The following CEACAM18 variants were observed in gnomAD, a reference collection of about 807,000 sequenced individuals.
CEACAM18 encodes CEA cell adhesion molecule 18.
In CEACAM18, 33 loss-of-function variants were observed where a neutral mutation model predicts 34.3. That is an observed-to-expected ratio of 0.96 (90% CI 0.73 to 1.29). The LOEUF (loss-of-function observed/expected upper bound fraction) is 1.29. CEACAM18 is among the 50% of genes most tolerant of loss of function. The pLI is 0.00. For synonymous variants in CEACAM18, 169 were observed against 180.9 expected (o/e 0.93, Z 0.53); for missense variants, 474 against 485.0 (o/e 0.98, Z 0.21).
intron 1 of CEACAM18, among the ~76,000 whole-genome samples, chr19:51,480,112 G>C (rs768460848): frequency 1.3e-5 from 2 of 152,138 alleles, no homozygotes; most frequent in African/African-American, 4.8e-5. Flanking sequence ...GGCTAGCGAG[G>C]AGGGCCTGGG....
chr19:51,480,860 T>G (rs1989902620), intron 2 of CEACAM18, among the ~76,000 whole-genome samples, 180 bp downstream of exon 2: 1 of 151,454 alleles, frequency 6.6e-6, no homozygotes, highest in Non-Finnish European at 1.5e-5. Flanking sequence ...GAGGGCGGAG[T>G]TGGAAGACAA....
intron 5 of CEACAM18, 114 bp downstream of exon 5, chr19:51,485,236 C>T: frequency 9.0e-7 from 1 of 1,109,348 alleles, no homozygotes; most frequent in Non-Finnish European, 1.2e-6. Context: ...AAGCCAGGAA[C>T]TAGGTTGTCA....
intron 1 of CEACAM18, 32 bp from the exon 2 acceptor site, chr19:51,480,301 T>A: frequency 6.6e-7 from 1 of 1,508,472 alleles, no homozygotes; most frequent in Non-Finnish European, 9.0e-7. Flanking sequence ...CTTTGTGAAT[T>A]TCTCTCTGTC....
At chr19:51,485,586 T>G (rs1400817908) in intron 5 of CEACAM18, among the ~76,000 whole-genome samples, 1 of 152,118 alleles carries the variant, frequency 6.6e-6, no homozygotes, top group Non-Finnish European at 1.5e-5. Flanking sequence ...TAGGTTACCT[T>G]GGGTAGGTCA....
chr19:51,483,764 A>G (rs1989957297), intron 4 of CEACAM18, among the ~76,000 whole-genome samples: 1 of 152,216 alleles, frequency 6.6e-6, no homozygotes, highest in Non-Finnish European at 1.5e-5. Flanking sequence ...CAGCTGCTTC[A>G]AGATGAGGAA....
At chr19:51,482,465 G>A (rs1989932929) in intron 3 of CEACAM18, among the ~76,000 whole-genome samples, 1 of 152,182 alleles carries the variant, frequency 6.6e-6, no homozygotes, top group African/African-American at 2.4e-5. Context: ...GTGGAAGGTG[G>A]GGTTGAGGGG....
At chr19:51,489,373 C>G (rs1318000458) in intron 5 of CEACAM18, among the ~76,000 whole-genome samples, 2 of 151,706 alleles carry the variant, frequency 1.3e-5, no homozygotes, top group Non-Finnish European at 2.9e-5. Flanking sequence ...CCTCTTTCAG[C>G]TCCCCTTCTC....
At chr19:51,488,077 C>T (rs905385454) in intron 5 of CEACAM18, among the ~76,000 whole-genome samples, 3 of 152,050 alleles carry the variant, frequency 2.0e-5, no homozygotes, top group Non-Finnish European at 2.9e-5. Flanking sequence ...AAGAGACAAC[C>T]ACTAGTCCCT....
chr19:51,482,178 T>A (rs1293274875), intron 3 of CEACAM18, among the ~76,000 whole-genome samples: 1 of 151,550 alleles, frequency 6.6e-6, no homozygotes, highest in Non-Finnish European at 1.5e-5. Flanking sequence ...CTTTTTTTTT[T>A]ATAGCCTTTT....
At chr19:51,479,071 T>A (rs1296715431) in intron 1 of CEACAM18, among the ~76,000 whole-genome samples, 1 of 152,046 alleles carries the variant, frequency 6.6e-6, no homozygotes, top group Non-Finnish European at 1.5e-5. Context: ...CACCTCCCAC[T>A]GGGTGCCCCA....
chr19:51,482,391 G>T (rs923299716), intron 3 of CEACAM18, among the ~76,000 whole-genome samples: 1 of 152,046 alleles, frequency 6.6e-6, no homozygotes, highest in Non-Finnish European at 1.5e-5. Flanking sequence ...TCACTTTCAC[G>T]TCTCCTGGAA....
In CEACAM18 at chr19:51,478,672, GT is replaced by G. The variant is rs1989852522; in HGVS notation, c.31del (p.Trp11GlyfsTer62). 1 of 1,480,756 alleles carries G rather than the reference GT, an allele frequency of 6.8e-7. No individual in the cohort carries two copies. Among genetic ancestry groups the G allele is most frequent in the African/African-American group, 1.4e-5 (1 of 69,376 alleles). The allele number at this position is 1,480,756 out of a possible 1,614,324, so 91.7% of individuals were successfully genotyped here. On this transcript the variant is annotated frameshift_variant, in exon 1 of 6. Coordinates refer to ENST00000396477, the Ensembl canonical transcript of CEACAM18. LOFTEE classifies it high-confidence loss of function. ...ACCTTTCCAGACCCAGATGGAGCCT[GT>G]GGAGGAGGGTCTTCCTCATGGGTAA...
chr19:51,480,708 A>T (rs754769204), intron 2 of CEACAM18, 28 bp downstream of exon 2: 1 of 1,576,236 alleles, frequency 6.3e-7, no homozygotes, highest in Non-Finnish European at 8.7e-7. Context: ...GTGTTTCCCA[A>T]CCCCCAAGGA....
chr19:51,478,838 G>T, intron 1 of CEACAM18, 144 bp downstream of exon 1: 1 of 565,830 alleles, frequency 1.8e-6, no homozygotes. Context: ...AGAGGAGAAG[G>T]GGGAGGACCC....
intron 5 of CEACAM18, among the ~76,000 whole-genome samples, chr19:51,486,124 T>G (rs1989995281): frequency 6.6e-6 from 1 of 151,986 alleles, no homozygotes; most frequent in African/African-American, 2.4e-5. Flanking sequence ...GTGATGATAG[T>G]AATAGTGGTG....
intron 3 of CEACAM18, 21 bp downstream of exon 3, chr19:51,481,686 GGA>G (rs771652979): frequency 6.2e-7 from 1 of 1,601,200 alleles, no homozygotes; most frequent in Non-Finnish European, 8.5e-7. Flanking sequence ...TGGGCTCCTG[GGA>G]CTGAAGCCAG....
chr19:51,479,961 T>C (rs530922727), intron 1 of CEACAM18, among the ~76,000 whole-genome samples: 21 of 152,314 alleles, frequency 1.4e-4, no homozygotes, highest in African/African-American at 5.1e-4. Context: ...GAGTGTTTCA[T>C]ATACCCACCT....
chr19:51,483,363 G>A, intron 4 of CEACAM18, 67 bp downstream of exon 4: 1 of 1,587,384 alleles, frequency 6.3e-7, no homozygotes, highest in Non-Finnish European at 8.6e-7. Flanking sequence ...GCTAGGCAGT[G>A]CCCACCCTCA....
At chr19:51,488,204 A>G (rs543897611) in intron 5 of CEACAM18, among the ~76,000 whole-genome samples, 1 of 152,334 alleles carries the variant, frequency 6.6e-6, no homozygotes, top group African/African-American at 2.4e-5. Context: ...TTGCAAAAGC[A>G]GATGGAGAGA....
Sources: allele counts gnomAD v4.1 joint callset (sites outside exome capture counted in the v4.1 genomes callset), GRCh38; gene constraint gnomAD v4.1.1; transcripts MANE v1.5; gene names NCBI Gene and HGNC (gene_info 2026-07-23, HGNC 2026-07-21).